Variants in CLIP2 observed in about 807,000 individuals in gnomAD.
The protein encoded by CLIP2 is CAP-Gly domain-containing linker protein 2.
A neutral mutation model predicts 111.7 loss-of-function variants in CLIP2; 41 were observed. That is an observed-to-expected ratio of 0.37 (90% CI 0.29 to 0.48). The LOEUF is 0.48. Ranked by LOEUF, CLIP2 falls within the 20% of genes least tolerant of loss-of-function variation. The pLI, the probability that CLIP2 is intolerant of heterozygous loss-of-function variation, is 0.99. For synonymous variants in CLIP2, 660 were observed against 644.2 expected (o/e 1.02, Z -0.37); for missense variants, 1,160 against 1,422.1 (o/e 0.82, Z 2.96).
intron 2 of CLIP2, among the ~76,000 whole-genome samples, chr7:74,335,220 G>A (rs888271270): frequency 6.8e-5 from 10 of 146,496 alleles, no homozygotes; most frequent in South Asian, 2.2e-4. Flanking sequence ...GGAGTGAGCC[G>A]AGATTGCACA....
Position 74,376,002 on chromosome 7 carries a change from C to A in CLIP2, c.1601C>A (p.Pro534Gln). Reference protein sequence around the residue: ...QCLLHSGPPPPDHPDAAEILR... With the variant: ...QCLLHSGPPPQDHPDAAEILR... Reference sequence around the variant, plus strand: ...CTGTTGCACTCGGGTCCCCCACCTCCGGACCACCCAGACGCCGCCGAGATC... The same window carrying A: ...CTGTTGCACTCGGGTCCCCCACCTCAGGACCACCCAGACGCCGCCGAGATC... Residue 534 changes from proline (P) to glutamine (Q), a missense_variant, in exon 10 of 17, where the codon CCG becomes CAG. Pro to Gln is a moderately conservative substitution (Grantham distance 76, BLOSUM62 -1). Transcript: ENST00000223398. This position sits in a 1 kb window ranked among gnomAD's most constrained non-coding sequence, Gnocchi z 7.1. The A allele has an allele frequency of 6.2e-7, 1 of 1,612,156 alleles. No individual in the cohort carries two copies. Among genetic ancestry groups the A allele is most frequent in the Non-Finnish European group, 8.5e-7 (1 of 1,179,672 alleles).
chr7:74,381,282 T>C (rs1356146581), intron 11 of CLIP2, among the ~76,000 whole-genome samples: 1 of 151,936 alleles, frequency 6.6e-6, no homozygotes, highest in African/African-American at 2.4e-5. Context: ...TCCAACTCCC[T>C]GGTTCAAGCG....
At chr7:74,343,769 G>A (rs986249968) in intron 3 of CLIP2, among the ~76,000 whole-genome samples, 4 of 151,964 alleles carry the variant, frequency 2.6e-5, no homozygotes. Context: ...CGGGCATGGC[G>A]GTGCATGCCT....
chr7:74,385,030 A>C lies in CLIP2; in HGVS notation c.2480-1491A>C, dbSNP rs563245899. 2.0e-5 allele frequency among the ~76,000 whole-genome samples: 3 copies of C among 147,546 alleles called. No homozygotes were observed. In the East Asian group the frequency reaches 6.1e-4, roughly 30 times the overall value. ...GGTGGCTCATGCCTATAATCCCAAC[A>C]CTTTGGGAGGCCGAGGTGGGTGGAT... On this transcript the variant is annotated intron_variant, in intron 11 of 16. Coordinates refer to ENST00000223398, the MANE Select transcript of CLIP2 (RefSeq NM_003388.5).
intron 1 of CLIP2, among the ~76,000 whole-genome samples, chr7:74,293,093 T>C (rs1788071958): frequency 2.6e-5 from 4 of 152,150 alleles, no homozygotes; most frequent in African/African-American, 9.7e-5. Flanking sequence ...GGAGTGGGCA[T>C]GGTTTGAGGA....
chr7:74,335,812 G>A (rs1358222332), intron 2 of CLIP2, among the ~76,000 whole-genome samples: 2 of 148,138 alleles, frequency 1.4e-5, no homozygotes, highest in African/African-American at 5.0e-5. Flanking sequence ...ACGCGATCTC[G>A]GCTCACTGCA....
At chr7:74,371,940 T>C (rs1210611675) in intron 8 of CLIP2, among the ~76,000 whole-genome samples, 3 of 152,112 alleles carry the variant, frequency 2.0e-5, no homozygotes, top group African/African-American at 7.2e-5. Context: ...GGGGTTTTAT[T>C]ACAGGTTTCA....
At chr7:74,326,406 C>T (rs1394236245) in intron 2 of CLIP2, among the ~76,000 whole-genome samples, 4 of 152,140 alleles carry the variant, frequency 2.6e-5, no homozygotes, top group African/African-American at 4.8e-5. Context: ...GGCTCATGCC[C>T]CAGACAGGTG....
intron 8 of CLIP2, among the ~76,000 whole-genome samples, chr7:74,368,973 A>G (rs575893058): frequency 8.3e-4 from 126 of 152,248 alleles, no homozygotes; most frequent in South Asian, 2.1e-3. Context: ...AATACTTGGG[A>G]GGGAGAGGTG....
chr7:74,350,667 C>T (rs1235931301), intron 3 of CLIP2, among the ~76,000 whole-genome samples: 1 of 151,744 alleles, frequency 6.6e-6, no homozygotes, highest in East Asian at 1.9e-4. Context: ...GGGTTCAAGA[C>T]CAGGCTGGGC....
chr7:74,325,318 G>A (rs965573131), intron 2 of CLIP2, among the ~76,000 whole-genome samples: 5 of 152,134 alleles, frequency 3.3e-5, no homozygotes, highest in Non-Finnish European at 7.3e-5. Flanking sequence ...GCAGGAGGGC[G>A]GTTTGGGATC....
Position 74,292,875 on chromosome 7 carries a change from G to A in CLIP2, c.-68+3141G>A, listed in dbSNP as rs905850176. On this transcript the variant is annotated intron_variant, in intron 1 of 16. Coordinates refer to ENST00000223398, the MANE Select transcript of CLIP2 (RefSeq NM_003388.5). ...CCACACCATTCTACCCACCCTCTTC[G>A]GGTTCATGTCCCTGAACAATTATGA... Among the ~76,000 whole-genome samples, 8 of 152,094 alleles carry A rather than the reference G, an allele frequency of 5.3e-5. No individual in the cohort carries two copies. In the South Asian group the frequency reaches 6.2e-4, roughly 12 times the overall value.
chr7:74,389,309 G>C, intron 13 of CLIP2, 50 bp downstream of exon 13: 1 of 1,491,494 alleles, frequency 6.7e-7, no homozygotes, highest in Non-Finnish European at 8.9e-7. Flanking sequence ...CCTGGCCCTT[G>C]CTCCTCTTCT....
chr7:74,374,041 C>T (rs782286229), intron 9 of CLIP2, among the ~76,000 whole-genome samples: 1 of 152,138 alleles, frequency 6.6e-6, no homozygotes, highest in Non-Finnish European at 1.5e-5. Context: ...TTACCATGCA[C>T]GCCTGGGACC....
intron 9 of CLIP2, among the ~76,000 whole-genome samples, chr7:74,375,623 C>T (rs1013840724): frequency 2.6e-5 from 4 of 150,980 alleles, no homozygotes; most frequent in Admixed American, 6.6e-5. Context: ...TTGTCCAAGC[C>T]ACCTAGGTAG....
chr7:74,372,906 C>A (rs1289331807), intron 8 of CLIP2, 26 bp from the exon 9 acceptor site: 9 of 1,247,990 alleles, frequency 7.2e-6, no homozygotes, highest in Non-Finnish European at 1.0e-5. Flanking sequence ...CCCACCCCCC[C>A]ACCGTGTCCA....
At position 74,353,870 on chromosome 7, in the gene CLIP2, G is replaced by A; in HGVS notation, c.679-10G>A. On this transcript the variant is annotated splice_polypyrimidine_tract_variant and intron_variant, in intron 3 of 16. Transcript: ENST00000223398. ...ATCCTCTAGACCTGAGTCTCCCTGTGTGCCGACAGGTTGGCGGGACGAAGA... is the reference window on the plus strand; with the variant it reads ...ATCCTCTAGACCTGAGTCTCCCTGTATGCCGACAGGTTGGCGGGACGAAGA... The A allele has an allele frequency of 6.2e-7, 1 of 1,614,152 alleles. No individual in the cohort carries two copies.
At position 74,358,249 on chromosome 7, in the gene CLIP2, C is replaced by G. The variant is rs557996039; in HGVS notation, c.1215+772C>G. Among the ~76,000 whole-genome samples, 3 of 152,034 alleles carry G rather than the reference C, an allele frequency of 2.0e-5. No homozygotes were observed. The South Asian group carries it at 6.2e-4, about 32-fold the overall frequency. On this transcript the variant is annotated intron_variant, in intron 6 of 16. Transcript: ENST00000223398. ...TATTTTAAGTAGAGATGGGGTTTCACCCTGTTGGTCAGGCTGGCCTGGAAT... is the reference window on the plus strand; with the variant it reads ...TATTTTAAGTAGAGATGGGGTTTCAGCCTGTTGGTCAGGCTGGCCTGGAAT...
intron 1 of CLIP2, among the ~76,000 whole-genome samples, chr7:74,296,499 C>G (rs1788172348): frequency 1.4e-5 from 2 of 139,016 alleles, no homozygotes; most frequent in South Asian, 2.3e-4. Flanking sequence ...AACAGAGCGA[C>G]ACTAAGAGGG....
Sources: allele counts gnomAD v4.1 joint callset (sites outside exome capture counted in the v4.1 genomes callset), GRCh38; gene constraint gnomAD v4.1.1; non-coding constraint Gnocchi (gnomAD v3.1); transcripts MANE v1.5; gene names NCBI Gene and HGNC (gene_info 2026-07-23, HGNC 2026-07-21).